ITPR1: variants seen among roughly 807,000 people sequenced by gnomAD.
ITPR1 encodes the protein inositol 1,4,5-trisphosphate-gated calcium channel ITPR1.
ITPR1 carries 96 observed loss-of-function variants against 318.4 expected under a neutral mutation model. That is an observed-to-expected ratio of 0.30 (90% CI 0.26 to 0.36). The LOEUF (loss-of-function observed/expected upper bound fraction) is 0.36. ITPR1 is among the 10% of genes least tolerant of loss of function. The pLI is 1.00. For synonymous variants in ITPR1, 1,312 were observed against 1,289.9 expected, an observed-to-expected ratio of 1.02 and a Z score of -0.37; for missense variants, 2,440 against 3,460.2, an observed-to-expected ratio of 0.71 and a Z score of 7.40.
At chr3:4,628,897 T>G (rs1412647769) in intron 5 of ITPR1, among the ~76,000 whole-genome samples, 1 of 152,252 alleles carries the variant, frequency 6.6e-6, no homozygotes, top group Non-Finnish European at 1.5e-5. Context: ...GCCTCTCACC[T>G]TGCTCCATTT....
intron 46 of ITPR1, among the ~76,000 whole-genome samples, chr3:4,769,342 G>A (rs1193211259): frequency 6.6e-6 from 1 of 152,190 alleles, no homozygotes; most frequent in Non-Finnish European, 1.5e-5. Context: ...GTGTCTGTAT[G>A]TGCCTATTGA....
At chr3:4,831,096 G>A (rs2050451819) in intron 60 of ITPR1, 2 of 425,576 alleles carry the variant, frequency 4.7e-6, no homozygotes. Context: ...TCCTCCGTCT[G>A]TCTGTCTTTG....
At chr3:4,502,929 A>G (rs2081131237) in intron 2 of ITPR1, among the ~76,000 whole-genome samples, 1 of 151,806 alleles carries the variant, frequency 6.6e-6, no homozygotes, top group African/African-American at 2.4e-5. Context: ...TAAAATTACA[A>G]AAAAAATTAG....
intron 46 of ITPR1, among the ~76,000 whole-genome samples, chr3:4,769,859 T>G (rs2046073173): frequency 6.6e-6 from 1 of 152,218 alleles, no homozygotes; most frequent in Non-Finnish European, 1.5e-5. Flanking sequence ...ATCGTAGAGA[T>G]CCGCTTCTTT....
intron 46 of ITPR1, among the ~76,000 whole-genome samples, chr3:4,770,114 A>C (rs1396153368): frequency 1.3e-5 from 2 of 152,158 alleles, no homozygotes; most frequent in African/African-American, 2.4e-5. Flanking sequence ...TACTTGGGTT[A>C]TGAGGGTATG....
At chr3:4,694,430 T>C (rs1559712649) in intron 33 of ITPR1, among the ~76,000 whole-genome samples, 1 of 109,592 alleles carries the variant, frequency 9.1e-6, no homozygotes, top group East Asian at 1.9e-4. Flanking sequence ...ATATATGACA[T>C]ATATCATATA....
intron 60 of ITPR1, chr3:4,831,152 C>CACACACACAG (rs2050477841): frequency 1.6e-5 from 6 of 385,724 alleles, no homozygotes; most frequent in Non-Finnish European, 3.1e-5. Context: ...CACACACACA[C>CACACACACAG]ACTCACTCCC....
intron 60 of ITPR1, chr3:4,831,106 GTCTCTCTCTC>G (rs147851903): frequency 3.9e-4 from 154 of 395,636 alleles, no homozygotes; most frequent in Middle Eastern, 2.2e-3. Flanking sequence ...GTCTGTCTTT[GTCTCTCTCTC>G]TCTCTCTCTC....
chr3:4,521,134 C>T (rs1432014325), intron 4 of ITPR1, 40 bp downstream of exon 4: 2 of 1,336,712 alleles, frequency 1.5e-6, no homozygotes, highest in Middle Eastern at 1.8e-4. Context: ...CCTTGACTCA[C>T]TTGAAAATTC....
intron 61 of ITPR1, among the ~76,000 whole-genome samples, chr3:4,845,583 T>C (rs1167481819): frequency 6.6e-6 from 1 of 152,234 alleles, no homozygotes; most frequent in Non-Finnish European, 1.5e-5. Flanking sequence ...CAGCATTATT[T>C]ACAGCATTTA....
chr3:4,838,854 G>A (rs983502083), intron 61 of ITPR1, among the ~76,000 whole-genome samples: 1 of 152,066 alleles, frequency 6.6e-6, no homozygotes, highest in African/African-American at 2.4e-5. Context: ...AACTATTAAT[G>A]GGCATTCTGT....
At chr3:4,515,045 C>T (rs866823996) in intron 2 of ITPR1, among the ~76,000 whole-genome samples, 11 of 152,192 alleles carry the variant, frequency 7.2e-5, no homozygotes, top group Admixed American at 6.5e-4. Flanking sequence ...TTCTCAGTTG[C>T]TGTCTCCCTC....
chr3:4,797,245 T>A (rs2047959383), intron 53 of ITPR1, among the ~76,000 whole-genome samples: 1 of 151,908 alleles, frequency 6.6e-6, no homozygotes, highest in Non-Finnish European at 1.5e-5. Flanking sequence ...CTTTTTTCCT[T>A]TTGTAAGATG....
chr3:4,669,724 T>C lies in ITPR1; in HGVS notation c.1957T>C (p.Cys653Arg), dbSNP rs779548893. ...KSIPVTQELI[C>R]KAVLNPTNAD... ...AATTCCAGTGACCCAGGAACTGATATGTAAAGCTGTGCTGAACCCCACCAA... is the reference window on the plus strand; with the variant it reads ...AATTCCAGTGACCCAGGAACTGATACGTAAAGCTGTGCTGAACCCCACCAA... The change falls in exon 19 of 62, where the codon TGT (cysteine) becomes CGT (arginine). Residue 653 changes from cysteine to arginine, a missense_variant. Transcript: ENST00000649015. 1 of 1,613,438 alleles carries C rather than the reference T, an allele frequency of 6.2e-7. No individual in the cohort carries two copies. Among genetic ancestry groups the C allele is most frequent in the Non-Finnish European group, 8.5e-7 (1 of 1,179,518 alleles).
In ITPR1 at chr3:4,764,476, G is replaced by T. The variant is rs181846747; in HGVS notation, c.5545-2054G>T. 1.9e-3 allele frequency among the ~76,000 whole-genome samples: 290 copies of T among 152,346 alleles called. 2 individuals carry two copies. Among genetic ancestry groups the T allele is most frequent in the African/African-American group, 6.7e-3 (280 of 41,580 alleles). ...TGGAAACCACTCAGGCGAGGCATCT[G>T]CCTTCACAGAGCTTGCACTCTGCAT... is the stretch of plus-strand genomic sequence containing the variant. On this transcript the variant is annotated intron_variant, in intron 44 of 61. Coordinates refer to ENST00000649015, the MANE Select transcript of ITPR1 (RefSeq NM_001378452.1).
At chr3:4,642,454 C>T (rs1224046133) in intron 7 of ITPR1, among the ~76,000 whole-genome samples, 1 of 152,176 alleles carries the variant, frequency 6.6e-6, no homozygotes, top group African/African-American at 2.4e-5. Context: ...CTGTGTTTTT[C>T]CTCCTGGATG....
intron 34 of ITPR1, 131 bp from the exon 35 acceptor site, chr3:4,699,682 A>G: frequency 1.3e-6 from 1 of 747,150 alleles, no homozygotes; most frequent in Non-Finnish European, 2.2e-6. Context: ...TGATTCCTTA[A>G]GGGGAGAAAT....
chr3:4,836,709 G>A lies in ITPR1; in HGVS notation c.8029-65G>A, dbSNP rs1331151685. The A allele has an allele frequency of 2.4e-6, 3 of 1,248,912 alleles. No individual in the cohort carries two copies. The African/African-American group carries it at 5.3e-5, about 22-fold the overall frequency. 77.4% of individuals were successfully genotyped at this position (1,248,912 alleles called of 1,614,324 possible). A position where few individuals can be genotyped will look rare whatever the true frequency, so the allele number is the denominator to read the frequency against. On this transcript the variant is annotated intron_variant, in intron 60 of 61. Coordinates refer to ENST00000649015, the MANE Select transcript of ITPR1 (RefSeq NM_001378452.1). ...ATGGCACGGTAAGCTGGCCTTTCTT[G>A]TTTTTACCTCTAGAAGTGACTCAGT...
Position 4,710,317 on chromosome 3 carries a change from C to T in ITPR1, c.4843-8C>T, listed in dbSNP as rs41304179. ...GAGCCGTTGACTGAGGCTGTGTTTC[C>T]GTTTTAGGACATCGTCTCCGCGCTG... On this transcript the variant is annotated splice_polypyrimidine_tract_variant and splice_region_variant and intron_variant, in intron 37 of 61. Transcript: ENST00000649015. The surrounding 1 kb of genome is among the most constrained non-coding windows in gnomAD (Gnocchi z 4.2). 2,711 of 1,536,034 alleles carry T rather than the reference C, an allele frequency of 1.8e-3. 7 individuals are homozygous for T. The highest frequency in any genetic ancestry group is 2.2e-3 in the Non-Finnish European group (2,536 of 1,133,840).
Sources: allele counts gnomAD v4.1 joint callset (sites outside exome capture counted in the v4.1 genomes callset), GRCh38; gene constraint gnomAD v4.1.1; non-coding constraint Gnocchi (gnomAD v3.1); transcripts MANE v1.5; gene names NCBI Gene and HGNC (gene_info 2026-07-23, HGNC 2026-07-21).